The following PRSS23 variants were observed in gnomAD, a reference collection of about 807,000 sequenced individuals.
PRSS23 encodes serine protease 23.
A neutral mutation model predicts 34.7 loss-of-function variants in PRSS23; 25 were observed. The observed-to-expected ratio is 0.72, with a 90% CI of 0.53 to 1.01. PRSS23 has a LOEUF of 1.01. Ranked by LOEUF, PRSS23 falls within the 50% of genes least tolerant of loss-of-function variation. The pLI, the probability that PRSS23 is intolerant of heterozygous loss-of-function variation, is 0.00. For synonymous variants in PRSS23, 176 were observed against 186.6 expected (o/e 0.94, Z 0.46); for missense variants, 445 against 475.6 (o/e 0.94, Z 0.60).
intron 2 of PRSS23, among the ~76,000 whole-genome samples, chr11:86,879,778 G>T (rs1948758745): frequency 8.8e-6 from 1 of 113,692 alleles, no homozygotes; most frequent in Non-Finnish European, 1.9e-5. Context: ...AGGTGGGGGG[G>T]TCAGCCCCCT....
At chr11:86,799,472 G>A (rs1948005113), upstream of PRSS23, among the ~76,000 whole-genome samples, 1 of 152,280 alleles carries the variant, frequency 6.6e-6, no homozygotes, top group Admixed American at 6.5e-5. Flanking sequence ...CAGTAGCTGT[G>A]TGATTTTGGG....
intron 2 of PRSS23, among the ~76,000 whole-genome samples, chr11:86,836,370 G>T (rs1218801286): frequency 6.6e-6 from 1 of 152,102 alleles, no homozygotes. Context: ...GAATCCTTTA[G>T]TTTGACTTGA....
intron 2 of PRSS23, among the ~76,000 whole-genome samples, chr11:86,864,322 G>A (rs1373071969): frequency 1.3e-5 from 2 of 152,198 alleles, no homozygotes; most frequent in African/African-American, 2.4e-5. Flanking sequence ...AAATCAGACA[G>A]CTGCAACAGG....
intron 2 of PRSS23, among the ~76,000 whole-genome samples, chr11:86,830,584 C>T (rs145523650): frequency 3.2e-4 from 49 of 152,310 alleles, no homozygotes; most frequent in African/African-American, 1.0e-3. Context: ...TCTTCTGTGT[C>T]GCTCATGCTG....
At chr11:86,793,725 T>C (rs77313623) in intron 1 of PRSS23, among the ~76,000 whole-genome samples, 2,145 of 152,288 alleles carry the variant, frequency 0.014, 57 homozygotes, top group African/African-American at 0.049. Context: ...TAGAATTTTA[T>C]TCATTAATTT....
intron 2 of PRSS23, among the ~76,000 whole-genome samples, chr11:86,932,338 A>T (rs937179301): frequency 6.6e-6 from 1 of 152,138 alleles, no homozygotes; most frequent in Middle Eastern, 3.2e-3. Context: ...ATTTTTTTGT[A>T]TAATTAGGGT....
rs77702933 is a variant in PRSS23, at chr11:86,929,848, A to G, written c.207-21368A>G. ...TTATAGAGTGGACCTCTGGGCATCAATGACAGAAAATGAGGAAGCTCTCTA... is the reference window on the plus strand; with the variant it reads ...TTATAGAGTGGACCTCTGGGCATCAGTGACAGAAAATGAGGAAGCTCTCTA... On this transcript the variant is annotated intron_variant, in intron 2 of 2. Coordinates refer to the PRSS23 transcript ENST00000533902. Among the ~76,000 whole-genome samples, 502 of 152,316 alleles carry G rather than the reference A, an allele frequency of 3.3e-3. 13 individuals are homozygous for G. The South Asian group carries it at 0.056, about 17-fold the overall frequency.
chr11:86,944,038 G>A (rs1949224002), intron 2 of PRSS23, among the ~76,000 whole-genome samples: 1 of 151,940 alleles, frequency 6.6e-6, no homozygotes, highest in South Asian at 2.1e-4. Context: ...ACTGCGCCTC[G>A]CCCATAGGAA....
intron 2 of PRSS23, among the ~76,000 whole-genome samples, chr11:86,827,084 G>T (rs1454676222): frequency 6.6e-6 from 1 of 152,100 alleles, no homozygotes; most frequent in Non-Finnish European, 1.5e-5. Context: ...GTTCCTCCTT[G>T]TACCTCTGGT....
At position 86,821,119 on chromosome 11, in the gene PRSS23, TA is replaced by T. The variant is rs1269011429; in HGVS notation, c.-11-2257del. On this transcript the variant is annotated intron_variant, in intron 1 of 2. Transcript: ENST00000533902. ...TAATTAATGTTAATTATGTGATCTG[TA>T]CATTTTTCCATGATTCCCTTCATGC... 1.9e-4 allele frequency: 101 copies of T among 542,504 alleles called. No individual in the cohort carries two copies. The Middle Eastern group carries it at 3.9e-3, about 21-fold the overall frequency. The allele number at this position is 542,504 out of a possible 1,614,324, so 33.6% of individuals were successfully genotyped here.
intron 2 of PRSS23, among the ~76,000 whole-genome samples, chr11:86,920,041 G>A (rs897836966): frequency 6.6e-6 from 1 of 152,200 alleles, no homozygotes; most frequent in African/African-American, 2.4e-5. Context: ...CTTCTGTGGT[G>A]AGGTCTGCGG....
intron 2 of PRSS23, among the ~76,000 whole-genome samples, chr11:86,897,840 C>G (rs759915875): frequency 6.6e-6 from 1 of 152,172 alleles, no homozygotes; most frequent in Admixed American, 6.5e-5. Flanking sequence ...TTGCTCTTTG[C>G]GCTCAGCATC....
intron 2 of PRSS23, among the ~76,000 whole-genome samples, chr11:86,888,919 G>A (rs1019300350): frequency 1.3e-5 from 2 of 152,166 alleles, no homozygotes; most frequent in East Asian, 1.9e-4. Context: ...ACTTGCTGCC[G>A]GGGTGAAGTA....
intron 1 of PRSS23, chr11:86,821,651 C>T: frequency 1.9e-6 from 3 of 1,577,562 alleles, no homozygotes; most frequent in Non-Finnish European, 2.6e-6. Context: ...TCAGCTGGTT[C>T]AAGAATTTTG....
chr11:86,903,520 T>A (rs984620251), intron 2 of PRSS23, among the ~76,000 whole-genome samples: 2 of 150,354 alleles, frequency 1.3e-5, no homozygotes, highest in African/African-American at 4.9e-5. Context: ...TCTCGCTCTG[T>A]TGCCCAGGCT....
intron 2 of PRSS23, among the ~76,000 whole-genome samples, chr11:86,888,789 C>A (rs2134969651): frequency 6.6e-6 from 1 of 152,338 alleles, no homozygotes; most frequent in African/African-American, 2.4e-5. Flanking sequence ...GAGAAGGTAA[C>A]TTCATGCTGA....
rs375506616 is a variant in PRSS23, at chr11:86,903,779, G to A, written c.207-47437G>A. ...ATTACAGACATGAGCCACCACTCCCGGACTACATATAATCTTTTAAAATCT... is the reference window on the plus strand; with the variant it reads ...ATTACAGACATGAGCCACCACTCCCAGACTACATATAATCTTTTAAAATCT... On this transcript the variant is annotated intron_variant, in intron 2 of 2. Coordinates refer to the PRSS23 transcript ENST00000533902. Among the ~76,000 whole-genome samples the A allele has an allele frequency of 1.9e-4, 29 of 152,048 alleles. 1 individual carries two copies. In the East Asian group the frequency reaches 2.5e-3, roughly 13 times the overall value.
chr11:86,833,392 A>C, intron 2 of PRSS23: 2 of 664,022 alleles, frequency 3.0e-6, no homozygotes, highest in Admixed American at 3.7e-5. Flanking sequence ...GGCCAGCTGC[A>C]GTTTTGGATC....
chr11:86,895,990 A>T (rs1034318447), intron 2 of PRSS23, among the ~76,000 whole-genome samples: 2 of 152,172 alleles, frequency 1.3e-5, no homozygotes, highest in African/African-American at 4.8e-5. Context: ...TGTGAAGTGT[A>T]CTCACTTCAC....
Sources: allele counts gnomAD v4.1 joint callset (sites outside exome capture counted in the v4.1 genomes callset), GRCh38; gene constraint gnomAD v4.1.1; transcripts MANE v1.5; gene names NCBI Gene and HGNC (gene_info 2026-07-23, HGNC 2026-07-21).